CLEC16A: variants seen among roughly 807,000 people sequenced by gnomAD.
CLEC16A encodes protein CLEC16A.
A neutral mutation model predicts 109.5 loss-of-function variants in CLEC16A; 51 were observed. That is an observed-to-expected ratio of 0.47 (90% CI 0.37 to 0.59). The LOEUF is 0.59. CLEC16A is among the 20% of genes least tolerant of loss of function. The pLI is 0.00. For missense variants in CLEC16A, 1,339 were observed against 1,394.0 expected (o/e 0.96, Z 0.63); for synonymous variants, 673 against 564.2 (o/e 1.19, Z -2.73).
chr16:10,990,616 G>T (rs1406110878), intron 10 of CLEC16A, among the ~76,000 whole-genome samples: 1 of 152,232 alleles, frequency 6.6e-6, no homozygotes, highest in African/African-American at 2.4e-5. Context: ...AGTGGGCAGG[G>T]ATGGGAGCAG....
Position 11,123,773 on chromosome 16 carries a change from G to A in CLEC16A, c.2300G>A (p.Ser767Asn). Reference sequence around the variant, plus strand: ...CAGGTGACTGGCGTGGAGGACGACAGCCGTGCCCTGAACATCACCATCCAC... The same window carrying A: ...CAGGTGACTGGCGTGGAGGACGACAACCGTGCCCTGAACATCACCATCCAC... ...DMQVTGVEDD[S>N]RALNITIHKP... Residue 767 changes from serine (S) to asparagine (N), a missense_variant, in exon 21 of 24, where the codon AGC becomes AAC. Coordinates refer to ENST00000409790, the MANE Select transcript of CLEC16A (RefSeq NM_015226.3). 1 of 1,614,070 alleles carries A rather than the reference G, an allele frequency of 6.2e-7. No homozygotes were observed. The highest frequency in any genetic ancestry group is 1.1e-5 in the South Asian group (1 of 91,086).
intron 19 of CLEC16A, among the ~76,000 whole-genome samples, chr16:11,084,597 G>A (rs2049908556): frequency 6.6e-6 from 1 of 152,176 alleles, no homozygotes; most frequent in South Asian, 2.1e-4. Context: ...CTTTGCGTGG[G>A]TCTCTTTCTC....
At chr16:11,100,632 C>T (rs1434069968) in intron 19 of CLEC16A, among the ~76,000 whole-genome samples, 1 of 152,198 alleles carries the variant, frequency 6.6e-6, no homozygotes, top group Non-Finnish European at 1.5e-5. Flanking sequence ...GCAGCACAAC[C>T]TCAAGTCAGT....
intron 22 of CLEC16A, among the ~76,000 whole-genome samples, chr16:11,151,221 A>G (rs1375191243): frequency 6.6e-6 from 1 of 152,220 alleles, no homozygotes; most frequent in Admixed American, 6.5e-5. Context: ...TATGACAAAC[A>G]TCCTTATTCA....
intron 19 of CLEC16A, among the ~76,000 whole-genome samples, chr16:11,098,736 G>A (rs535778794): frequency 6.6e-6 from 1 of 152,334 alleles, no homozygotes; most frequent in South Asian, 2.1e-4. Flanking sequence ...GTGAGCTTCA[G>A]CCTTTCCAGT....
At chr16:11,026,193 T>C (rs566779086) in intron 13 of CLEC16A, among the ~76,000 whole-genome samples, 5 of 152,374 alleles carry the variant, frequency 3.3e-5, no homozygotes, top group African/African-American at 1.2e-4. Flanking sequence ...ATAGAATGAA[T>C]TGAGAAATAT....
intron 1 of CLEC16A, among the ~76,000 whole-genome samples, chr16:10,955,837 A>G (rs936253106): frequency 6.6e-6 from 1 of 152,194 alleles, no homozygotes; most frequent in African/African-American, 2.4e-5. Flanking sequence ...AGTGTCACTG[A>G]TGGCCACAGC....
At chr16:11,055,811 A>T (rs2048184821) in intron 18 of CLEC16A, among the ~76,000 whole-genome samples, 1 of 149,640 alleles carries the variant, frequency 6.7e-6, no homozygotes, top group African/African-American at 2.5e-5. Context: ...CTGCTCCCAA[A>T]CTCCTGAACT....
intron 19 of CLEC16A, among the ~76,000 whole-genome samples, chr16:11,090,880 G>T (rs955098562): frequency 2.1e-5 from 3 of 144,656 alleles, no homozygotes; most frequent in Non-Finnish European, 4.5e-5. Context: ...TTGTTGGCCA[G>T]GCTCGTCTTG....
Position 10,979,324 on chromosome 16 carries a change from A to T in CLEC16A, c.904-5A>T. The T allele has an allele frequency of 6.2e-7, 1 of 1,611,244 alleles. No homozygotes were observed. Among genetic ancestry groups the T allele is most frequent in the Admixed American group, 1.7e-5 (1 of 59,816 alleles). ...CTCTCTCTCTCTCCTGCCACCCTGC[A>T]CTAGGGAGGAGAACGGCCGAAAATT... On this transcript the variant is annotated splice_polypyrimidine_tract_variant and splice_region_variant and intron_variant, in intron 8 of 23. Transcript: ENST00000409790.
chr16:11,026,725 A>AG (rs2046427771), intron 13 of CLEC16A, among the ~76,000 whole-genome samples: 1 of 140,054 alleles, frequency 7.1e-6, no homozygotes, highest in Non-Finnish European at 1.5e-5. Flanking sequence ...AAGAAGCTTT[A>AG]GGCATTGTGG....
intron 10 of CLEC16A, among the ~76,000 whole-genome samples, chr16:10,991,873 T>C (rs67886043): frequency 0.16 from 24,073 of 152,244 alleles, 2,009 homozygotes; most frequent in South Asian, 0.29. Context: ...CCCCTGCCCT[T>C]TCTGGGCATT....
intron 11 of CLEC16A, among the ~76,000 whole-genome samples, chr16:11,004,989 G>C (rs1450516178): frequency 6.6e-6 from 1 of 152,210 alleles, no homozygotes; most frequent in Non-Finnish European, 1.5e-5. Flanking sequence ...AAAAATGTCT[G>C]CCTAATCCCT....
At chr16:11,119,618 C>A (rs1282507010) in intron 19 of CLEC16A, among the ~76,000 whole-genome samples, 2 of 151,960 alleles carry the variant, frequency 1.3e-5, no homozygotes, top group African/African-American at 4.8e-5. Flanking sequence ...TCTCCAACTC[C>A]TGAGCTGAAG....
At chr16:11,159,861 G>A (rs1177043171) in intron 22 of CLEC16A, among the ~76,000 whole-genome samples, 2 of 152,164 alleles carry the variant, frequency 1.3e-5, no homozygotes, top group African/African-American at 4.8e-5. Context: ...GTAGCTTTCA[G>A]TATTTAGTAT....
Position 11,174,149 on chromosome 16 carries a change from TCTAG to T in CLEC16A, c.2807-4185_2807-4182del, listed in dbSNP as rs1288910818. On this transcript the variant is annotated intron_variant, in intron 23 of 23. Coordinates refer to ENST00000409790, the MANE Select transcript of CLEC16A (RefSeq NM_015226.3). This position sits in a 1 kb window ranked among gnomAD's most constrained non-coding sequence, Gnocchi z 4.7. Reference sequence around the variant, plus strand: ...CTATGATCTGTCGCTGTGTTTTCCCTCTAGTCAGGAGTGGCAGGAAAGGACGCCG... The same window carrying T: ...CTATGATCTGTCGCTGTGTTTTCCCTTCAGGAGTGGCAGGAAAGGACGCCG... 4.3e-6 allele frequency: 2 copies of T among 469,582 alleles called. No individual in the cohort carries two copies. Among genetic ancestry groups the T allele is most frequent in the Non-Finnish European group, 8.8e-6 (2 of 226,376 alleles). 29.1% of individuals were successfully genotyped at this position (469,582 alleles called of 1,614,324 possible). A position where few individuals can be genotyped will look rare whatever the true frequency, so the allele number is the denominator to read the frequency against.
intron 17 of CLEC16A, among the ~76,000 whole-genome samples, chr16:11,049,519 A>G (rs375660626): frequency 3.2e-4 from 49 of 152,192 alleles, no homozygotes; most frequent in African/African-American, 1.2e-3. Context: ...TCAAACATGT[A>G]TTGTGTGTCC....
At chr16:11,106,483 G>A (rs1000863832) in intron 19 of CLEC16A, among the ~76,000 whole-genome samples, 2 of 144,122 alleles carry the variant, frequency 1.4e-5, no homozygotes, top group African/African-American at 2.7e-5. Flanking sequence ...TTTTTAGATG[G>A]GGTATTGCTA....
At chr16:11,075,420 G>C (rs1214313674) in intron 19 of CLEC16A, among the ~76,000 whole-genome samples, 1 of 146,816 alleles carries the variant, frequency 6.8e-6, no homozygotes, top group African/African-American at 2.6e-5. Flanking sequence ...GTCTGTGTGT[G>C]TGTGTGTATG....
Sources: allele counts gnomAD v4.1 joint callset (sites outside exome capture counted in the v4.1 genomes callset), GRCh38; gene constraint gnomAD v4.1.1; non-coding constraint Gnocchi (gnomAD v3.1); transcripts MANE v1.5; gene names NCBI Gene and HGNC (gene_info 2026-07-23, HGNC 2026-07-21).